The following KCNT1 variants were observed in gnomAD, a reference collection of about 807,000 sequenced individuals.
KCNT1 encodes the protein potassium sodium-activated channel subfamily T member 1.
KCNT1 carries 78 observed loss-of-function variants against 147.8 expected under a neutral mutation model. The ratio of observed to expected loss-of-function variants is 0.53; its 90% CI spans 0.44 to 0.64. The LOEUF (loss-of-function observed/expected upper bound fraction) is 0.64, where lower values mean the gene tolerates loss of function less well. KCNT1 is among the 30% of genes least tolerant of loss of function. KCNT1 has a pLI of 0.00. For missense variants in KCNT1, 1,419 were observed against 1,750.3 expected (o/e 0.81, Z 3.38); for synonymous variants, 867 against 748.8 (o/e 1.16, Z -2.58).
At chr9:135,786,558 G>T (rs1427466963) in intron 29 of KCNT1, 37 bp downstream of exon 29, 2 of 1,523,424 alleles carry the variant, frequency 1.3e-6, no homozygotes, top group Non-Finnish European at 1.8e-6. Context: ...CCGGACGGAC[G>T]GACTGGGCCA....
intron 26 of KCNT1, 46 bp from the exon 27 acceptor site, chr9:135,784,715 G>A (rs1442302358): frequency 3.7e-6 from 6 of 1,609,222 alleles, no homozygotes; most frequent in Non-Finnish European, 5.1e-6. Flanking sequence ...AGGAGGCTCT[G>A]GGTGCTGCCA....
At chr9:135,747,738 G>C (rs1157167277) in intron 2 of KCNT1, among the ~76,000 whole-genome samples, 2 of 152,094 alleles carry the variant, frequency 1.3e-5, no homozygotes, top group East Asian at 3.9e-4. Context: ...GGGGCAGACT[G>C]ACCCCCCATT....
At chr9:135,735,160 G>A (rs1239948072) in intron 2 of KCNT1, among the ~76,000 whole-genome samples, 2 of 152,216 alleles carry the variant, frequency 1.3e-5, no homozygotes, top group Non-Finnish European at 2.9e-5. Context: ...CCCGAGCCAC[G>A]ACAGGCAGCC....
chr9:135,714,613 C>G lies in KCNT1; in HGVS notation c.147C>G (p.Thr49=), dbSNP rs751274694. The change falls in exon 2 of 31, where the codon ACC becomes ACG. Residue 49 remains threonine (T), a synonymous_variant. Transcript: ENST00000371757. The surrounding 1 kb of genome is among the most constrained non-coding windows in gnomAD (Gnocchi z 6.2). Reference sequence around the variant, plus strand: ...CGGGGGACGGCGCGCTCCTGGACACCGCCGGCTTCAAGATGAGCGACCTGG... The same window carrying G: ...CGGGGGACGGCGCGCTCCTGGACACGGCCGGCTTCAAGATGAGCGACCTGG... ...PCAGDGALLD[T]AGFKMSDLDS... is the part of the protein sequence containing the mutation. The G allele has an allele frequency of 2.1e-6, 3 of 1,448,488 alleles. No individual in the cohort carries two copies. Among genetic ancestry groups the G allele is most frequent in the Middle Eastern group, 2.2e-4 (1 of 4,566 alleles). 89.7% of individuals were successfully genotyped at this position (1,448,488 alleles called of 1,614,324 possible).
At chr9:135,783,570 A>G (rs10776846) in intron 24 of KCNT1, among the ~76,000 whole-genome samples, 36,601 of 152,256 alleles carry the variant, frequency 0.24, 5,451 homozygotes, top group African/African-American at 0.42. Flanking sequence ...CCTGGAGCAC[A>G]GGGACGGGGA....
At chr9:135,707,015 T>C (rs1046487834) in intron 1 of KCNT1, among the ~76,000 whole-genome samples, 7 of 149,458 alleles carry the variant, frequency 4.7e-5, no homozygotes, top group African/African-American at 1.7e-4. Flanking sequence ...CCAGGCACGG[T>C]GGGTCATGCC....
intron 2 of KCNT1, among the ~76,000 whole-genome samples, chr9:135,743,646 G>T (rs1440707927): frequency 6.6e-6 from 1 of 152,228 alleles, no homozygotes; most frequent in Non-Finnish European, 1.5e-5. Flanking sequence ...CCCACCCCAG[G>T]CTCCCGAGGA....
chr9:135,731,788 C>T (rs1027328490), intron 2 of KCNT1, among the ~76,000 whole-genome samples: 1 of 151,596 alleles, frequency 6.6e-6, no homozygotes, highest in Non-Finnish European at 1.5e-5. Flanking sequence ...TTCGTAGTGA[C>T]TCACTGGTTC....
chr9:135,758,631 C>A, intron 10 of KCNT1, 123 bp downstream of exon 10: 1 of 786,520 alleles, frequency 1.3e-6, no homozygotes, highest in South Asian at 1.6e-5. Context: ...GGCCACAGTG[C>A]CTGGGCTGCG....
In KCNT1 at chr9:135,714,842, T is replaced by C; in HGVS notation, c.254+122T>C. The C allele has an allele frequency of 1.5e-6, 1 of 645,194 alleles. No homozygotes were observed. Among genetic ancestry groups the C allele is most frequent in the Non-Finnish European group, 2.0e-6 (1 of 489,366 alleles). 40.0% of individuals were successfully genotyped at this position (645,194 alleles called of 1,614,324 possible). On this transcript the variant is annotated intron_variant, in intron 2 of 30. Transcript: ENST00000371757. The surrounding 1 kb of genome is among the most constrained non-coding windows in gnomAD (Gnocchi z 6.2). ...CCCGCAGCCGCCGGCGCCCTTCAAC[T>C]TTTCCCGGCTTCTGGGGACGCAGAA...
intron 13 of KCNT1, among the ~76,000 whole-genome samples, chr9:135,767,142 C>G (rs898243922): frequency 3.3e-5 from 5 of 152,194 alleles, no homozygotes; most frequent in African/African-American, 7.2e-5. Context: ...AGGGTCTCTC[C>G]TCATCACTCC....
At chr9:135,728,538 G>T (rs533873307) in intron 2 of KCNT1, among the ~76,000 whole-genome samples, 1 of 152,304 alleles carries the variant, frequency 6.6e-6, no homozygotes, top group Non-Finnish European at 1.5e-5. Context: ...CAAGACTCAC[G>T]CCCTGTTCCG....
intron 2 of KCNT1, among the ~76,000 whole-genome samples, chr9:135,745,053 G>T (rs1033661635): frequency 1.3e-5 from 2 of 152,250 alleles, no homozygotes; most frequent in Non-Finnish European, 2.9e-5. Flanking sequence ...GGGGATCCGG[G>T]AATGCAGCAC....
chr9:135,786,336 G>C lies in KCNT1; in HGVS notation c.3317G>C (p.Arg1106Pro), dbSNP rs561255614. Residue 1106 changes from arginine to proline, a missense_variant, in exon 29 of 31, where the codon CGG (arginine) becomes CCG (proline). Around this residue, in one of 5 missense-constraint regions of KCNT1, gnomAD observed 306 missense variants for 294.2 expected, o/e 1.04. Coordinates refer to ENST00000371757, the MANE Select transcript of KCNT1 (RefSeq NM_020822.3). ...GACCCCGCAGAGCACCCACTGCTACGGCGCAAGAGCCTGCAGTGGGCCCGG... is the reference window on the plus strand; with the variant it reads ...GACCCCGCAGAGCACCCACTGCTACCGCGCAAGAGCCTGCAGTGGGCCCGG... The part of the protein sequence containing the change: ...GGDPAEHPLL[R>P]RKSLQWARRL... 6.3e-6 allele frequency: 10 copies of C among 1,593,924 alleles called. No homozygotes were observed. Among genetic ancestry groups the C allele is most frequent in the Non-Finnish European group, 8.5e-6 (10 of 1,171,638 alleles).
At chr9:135,765,585 G>A (rs1832210324) in intron 12 of KCNT1, 39 bp from the exon 13 acceptor site, 2 of 1,585,022 alleles carry the variant, frequency 1.3e-6, no homozygotes. Flanking sequence ...GCGGGGCAGG[G>A]GCTGGCTCAG....
At chr9:135,759,919 AGAGG>A (rs1217782684) in intron 11 of KCNT1, 60 bp downstream of exon 11, 6 of 1,474,990 alleles carry the variant, frequency 4.1e-6, no homozygotes, top group Non-Finnish European at 5.5e-6. Flanking sequence ...GGGTGCCAGT[AGAGG>A]GAGGGTGCCA....
At chr9:135,749,147 G>A (rs1284151696) in intron 2 of KCNT1, among the ~76,000 whole-genome samples, 1 of 152,182 alleles carries the variant, frequency 6.6e-6, no homozygotes, top group East Asian at 1.9e-4. Flanking sequence ...CCCTGGCCTA[G>A]CCTGGCCCGC....
chr9:135,755,426 A>T (rs1031513747), intron 6 of KCNT1, among the ~76,000 whole-genome samples: 1 of 147,142 alleles, frequency 6.8e-6, no homozygotes, highest in Non-Finnish European at 1.5e-5. Context: ...CTCAGTGAGC[A>T]CTGAGGACAA....
rs7019051 is a variant in KCNT1, at chr9:135,753,680, G to C, written c.435-257G>C. 0.26 allele frequency: 148,413 copies of C among 564,246 alleles called. 21,055 individuals are homozygous for C. Among genetic ancestry groups the C allele is most frequent in the Middle Eastern group, 0.36 (757 of 2,098 alleles). 35.0% of individuals were successfully genotyped at this position (564,246 alleles called of 1,614,324 possible). On this transcript the variant is annotated intron_variant, in intron 4 of 30. Coordinates refer to ENST00000371757, the MANE Select transcript of KCNT1 (RefSeq NM_020822.3). ...TCCCGCAGATGTGGGATGTACCCTC[G>C]CTGTCTGCCTGCTGGGCTGAGCAGT...
Sources: allele counts gnomAD v4.1 joint callset (sites outside exome capture counted in the v4.1 genomes callset), GRCh38; gene constraint gnomAD v4.1.1; regional missense constraint gnomAD v4.1.1; non-coding constraint Gnocchi (gnomAD v3.1); transcripts MANE v1.5; gene names NCBI Gene and HGNC (gene_info 2026-07-23, HGNC 2026-07-21).